Variants in VWA3A observed in about 807,000 individuals in gnomAD.
VWA3A encodes von Willebrand factor A domain-containing protein 3A.
VWA3A carries 134 observed loss-of-function variants against 160.4 expected under a neutral mutation model. That is an observed-to-expected ratio of 0.84 (90% CI 0.73 to 0.96). The LOEUF (loss-of-function observed/expected upper bound fraction) is 0.96, where lower values mean the gene tolerates loss of function less well. VWA3A is among the 40% of genes least tolerant of loss of function. The pLI, the probability that VWA3A is intolerant of heterozygous loss-of-function variation, is 0.00. For synonymous variants in VWA3A, 476 were observed against 543.4 expected (o/e 0.88, Z 1.72); for missense variants, 1,310 against 1,447.9 (o/e 0.90, Z 1.55).
At position 22,121,123 on chromosome 16, in the gene VWA3A, A is replaced by G; in HGVS notation, c.1252+20A>G. The G allele has an allele frequency of 1.2e-6, 2 of 1,613,832 alleles. No homozygotes were observed. The highest frequency in any genetic ancestry group is 1.6e-4 in the Middle Eastern group (1 of 6,062). ...TGAAAGGTAAATCTCCAAAGAGGGC[A>G]GAACCCAGGAAACAGGTGACTGACT... On this transcript the variant is annotated intron_variant, in intron 13 of 33. Coordinates refer to ENST00000389398, the MANE Select transcript of VWA3A (RefSeq NM_173615.5).
intron 9 of VWA3A, among the ~76,000 whole-genome samples, chr16:22,115,815 C>A (rs2045621194): frequency 7.5e-6 from 1 of 133,970 alleles, no homozygotes; most frequent in Non-Finnish European, 1.6e-5. Context: ...GTAACCTGGG[C>A]AACAGAGTGA....
At position 22,121,569 on chromosome 16, in the gene VWA3A, G is replaced by A; in HGVS notation, c.1308G>A (p.Glu436=). 2 of 1,613,582 alleles carry A rather than the reference G, an allele frequency of 1.2e-6. No individual in the cohort carries two copies. Among genetic ancestry groups the A allele is most frequent in the African/African-American group, 1.3e-5 (1 of 74,978 alleles). The change falls in exon 14 of 34, where the codon GAG becomes GAA. Residue 436 remains glutamate, a synonymous_variant. Transcript: ENST00000389398. ...VLAPNAFSPV[E]EFVPILQKTV... ...CACCCAATGCATTCTCTCCTGTGGA[G>A]GAATTTGTACCTATTCTCCAGAAAA...
intron 12 of VWA3A, 68 bp downstream of exon 12, chr16:22,119,095 C>G: frequency 6.6e-7 from 1 of 1,519,484 alleles, no homozygotes; most frequent in South Asian, 1.3e-5. Context: ...GTTCCCCTTT[C>G]TCACCTGTTC....
At chr16:22,119,050 C>T in intron 12 of VWA3A, 23 bp downstream of exon 12, 1 of 1,585,686 alleles carries the variant, frequency 6.3e-7, no homozygotes, top group Non-Finnish European at 8.6e-7. Flanking sequence ...AGTGTCAATT[C>T]TGGGGCCTTC....
Position 22,119,006 on chromosome 16 carries a change from G to A in VWA3A, c.1095G>A (p.Ala365=), listed in dbSNP as rs369720457. The A allele has an allele frequency of 3.8e-5, 61 of 1,612,558 alleles. No individual in the cohort carries two copies. Among genetic ancestry groups the A allele is most frequent in the African/African-American group, 6.7e-5 (5 of 74,904 alleles). ...QALQHSSPCE[A]LTCTMEEIST... ...TGCAGCACAGCAGCCCCTGTGAGGC[G>A]CTCACCTGCACCATGGAGGAGGTAG... Residue 365 remains alanine, a synonymous_variant, in exon 12 of 34, where the codon GCG becomes GCA. Transcript: ENST00000389398.
At chr16:22,133,857 T>C (rs1322782598) in intron 20 of VWA3A, among the ~76,000 whole-genome samples, 1 of 152,082 alleles carries the variant, frequency 6.6e-6, no homozygotes, top group Non-Finnish European at 1.5e-5. Context: ...ATTTAGAATG[T>C]CATAGAATGT....
intron 6 of VWA3A, among the ~76,000 whole-genome samples, chr16:22,108,441 T>C (rs775436717): frequency 2.0e-5 from 3 of 152,102 alleles, no homozygotes; most frequent in African/African-American, 4.8e-5. Flanking sequence ...AAAGGTGAAG[T>C]ATGTAGGGCT....
chr16:22,101,367 T>C (rs1438806545), intron 5 of VWA3A, among the ~76,000 whole-genome samples: 2 of 152,234 alleles, frequency 1.3e-5, no homozygotes, highest in African/African-American at 4.8e-5. Context: ...TTCATAACTT[T>C]GCAAATATAT....
At chr16:22,123,402 C>A (rs2045781523) in intron 15 of VWA3A, 12 of 1,490,142 alleles carry the variant, frequency 8.1e-6, no homozygotes, top group Admixed American at 2.0e-5. Context: ...TGCTTCCTTC[C>A]CCATTTGATG....
chr16:22,109,597 C>A lies in VWA3A; in HGVS notation c.582+17C>A. Reference sequence around the variant, plus strand: ...GACCTCATGGTAAGTCTGTCTGGCACAGAGAAACACCTGGAACCACCCACT... The same window carrying A: ...GACCTCATGGTAAGTCTGTCTGGCAAAGAGAAACACCTGGAACCACCCACT... On this transcript the variant is annotated intron_variant, in intron 7 of 33. Transcript: ENST00000389398. 6.2e-7 allele frequency: 1 copy of A among 1,608,480 alleles called. No individual in the cohort carries two copies. The highest frequency in any genetic ancestry group is 8.5e-7 in the Non-Finnish European group (1 of 1,176,292).
rs767461213 is a variant in VWA3A at position 22,121,081 on chromosome 16, G to T, written c.1230G>T (p.Trp410Cys). The T allele has an allele frequency of 3.7e-6, 6 of 1,613,778 alleles. No individual in the cohort carries two copies. In the South Asian group the frequency reaches 6.6e-5, roughly 18 times the overall value. The change falls in exon 13 of 34, where the codon TGG becomes TGT. Residue 410 changes from tryptophan to cysteine, a missense_variant. Coordinates refer to ENST00000389398, the MANE Select transcript of VWA3A (RefSeq NM_173615.5). ...ACTTGGACAAGACTTCTGCAGAGTG[G>T]CTTAAGGTCAATGGTCTGAAAGGTA... ...FPNLDKTSAE[W>C]LKVNGLKAKK...
chr16:22,105,119 C>T (rs1032563372), intron 6 of VWA3A, among the ~76,000 whole-genome samples: 4 of 152,174 alleles, frequency 2.6e-5, no homozygotes, highest in African/African-American at 7.2e-5. Context: ...AGCTGGACCC[C>T]TCTGGTTGCC....
intron 20 of VWA3A, 33 bp from the exon 21 acceptor site, chr16:22,134,335 T>C: frequency 6.4e-7 from 1 of 1,568,888 alleles, no homozygotes; most frequent in Non-Finnish European, 8.7e-7. Flanking sequence ...CCACACCCTG[T>C]CTCACCTTGC....
chr16:22,126,334 C>A, intron 17 of VWA3A, 37 bp downstream of exon 17: 1 of 1,595,482 alleles, frequency 6.3e-7, no homozygotes, highest in South Asian at 1.1e-5. Flanking sequence ...AAGGGTGGGT[C>A]GTGTGTGTTT....
At position 22,096,899 on chromosome 16, in the gene VWA3A, A is replaced by G. The variant is rs1252383451; in HGVS notation, c.55A>G (p.Ser19Gly). The change falls in exon 2 of 34, where the codon AGT (serine) becomes GGT (glycine). Residue 19 changes from serine to glycine, a missense_variant. Ser to Gly is a moderately conservative substitution (Grantham distance 56). Coordinates refer to ENST00000389398, the MANE Select transcript of VWA3A (RefSeq NM_173615.5). ...IGCFAMATQT[S>G]HVFHGQENMF... ...GTGTTTTGCAATGGCTACACAAACT[A>G]GTCATGTCTTCCATGGTCAAGAAAA... The G allele has an allele frequency of 3.2e-6, 5 of 1,550,036 alleles. No homozygotes were observed. The South Asian group carries it at 6.0e-5, about 18-fold the overall frequency.
At chr16:22,141,713 G>A (rs373411523) in intron 24 of VWA3A, 21 bp downstream of exon 24, 1 of 1,582,476 alleles carries the variant, frequency 6.3e-7, no homozygotes, top group Non-Finnish European at 8.6e-7. Flanking sequence ...GGCTATACAG[G>A]TGTCTGGACA....
chr16:22,126,245 C>G lies in VWA3A; in HGVS notation c.1600C>G (p.Arg534Gly). 1 of 1,613,938 alleles carries G rather than the reference C, an allele frequency of 6.2e-7. No individual in the cohort carries two copies. Residue 534 changes from arginine (R) to glycine (G), a missense_variant, in exon 17 of 34, where the codon CGG becomes GGG. Arg to Gly is a moderately radical substitution (Grantham distance 125). Transcript: ENST00000389398. ...MYIIHIQHSLRLLLEEQLSNK... is the reference protein window; with the variant it reads ...MYIIHIQHSLGLLLEEQLSNK... ...CATTATTCATATCCAGCACTCCCTG[C>G]GGCTGCTGCTGGAGGAGCAGTTATC...
At chr16:22,121,912 A>G (rs2045742333) in intron 14 of VWA3A, among the ~76,000 whole-genome samples, 1 of 152,138 alleles carries the variant, frequency 6.6e-6, no homozygotes, top group Admixed American at 6.5e-5. Context: ...CGCTGTACCT[A>G]ATGCAGACTT....
intron 9 of VWA3A, among the ~76,000 whole-genome samples, chr16:22,115,918 G>GAAGGAAAGGAAAGGA (rs374423811): frequency 3.2e-5 from 1 of 31,390 alleles, no homozygotes. Context: ...AGGAAGGAAG[G>GAAGGAAAGGAAAGGA]AAGGAAAGGA....
Sources: allele counts gnomAD v4.1 joint callset (sites outside exome capture counted in the v4.1 genomes callset), GRCh38; gene constraint gnomAD v4.1.1; transcripts MANE v1.5; gene names NCBI Gene and HGNC (gene_info 2026-07-23, HGNC 2026-07-21).